Variants in GIPC2 observed in about 807,000 individuals in gnomAD.
The protein encoded by GIPC2 is PDZ domain-containing protein GIPC2.
GIPC2 carries 30 observed loss-of-function variants against 30.6 expected under a neutral mutation model. The observed-to-expected ratio is 0.98, with a 90% confidence interval of 0.73 to 1.33. The LOEUF is 1.33. GIPC2 is among the 40% of genes most tolerant of loss of function. The pLI is 0.00. For synonymous variants in GIPC2, 167 were observed against 150.0 expected, an observed-to-expected ratio of 1.11 and a Z score of -0.83; for missense variants, 414 against 390.3, an observed-to-expected ratio of 1.06 and a Z score of -0.51.
chr1:78,097,112 G>C (rs543885332), intron 3 of GIPC2, among the ~76,000 whole-genome samples: 8 of 152,318 alleles, frequency 5.3e-5, no homozygotes, highest in Admixed American at 2.6e-4. Context: ...CTCTTTGCCA[G>C]AGAGGGGAGC....
chr1:78,052,686 A>C (rs1661217820), intron 1 of GIPC2, among the ~76,000 whole-genome samples: 1 of 152,204 alleles, frequency 6.6e-6, no homozygotes, highest in South Asian at 2.1e-4. Context: ...TAATTATTAC[A>C]GTCAAGCTAA....
At chr1:78,078,833 C>T (rs1486734450) in intron 1 of GIPC2, among the ~76,000 whole-genome samples, 6 of 128,074 alleles carry the variant, frequency 4.7e-5, no homozygotes, top group East Asian at 2.7e-4. Flanking sequence ...TGGACAGATT[C>T]ACCGGAAAAA....
At chr1:78,101,058 G>T (rs765072893) in intron 3 of GIPC2, among the ~76,000 whole-genome samples, 2 of 151,396 alleles carry the variant, frequency 1.3e-5, no homozygotes, top group South Asian at 2.1e-4. Flanking sequence ...TTGATTGGTC[G>T]CAGAAGCTAT....
intron 1 of GIPC2, among the ~76,000 whole-genome samples, chr1:78,065,297 T>C (rs1448289538): frequency 6.6e-6 from 1 of 151,842 alleles, no homozygotes. Context: ...AAATCAGGAA[T>C]GCAATTTCAT....
chr1:78,085,897 GTT>G (rs35412467), intron 2 of GIPC2, among the ~76,000 whole-genome samples: 1 of 120,304 alleles, frequency 8.3e-6, no homozygotes, highest in Admixed American at 8.8e-5. Context: ...TCTTTTGAAT[GTT>G]TTTTTTTTTT....
intron 2 of GIPC2, among the ~76,000 whole-genome samples, chr1:78,088,806 C>G (rs951737334): frequency 6.6e-6 from 1 of 150,896 alleles, no homozygotes; most frequent in East Asian, 2.0e-4. Flanking sequence ...GATCATGCCA[C>G]CACTCTCAGC....
chr1:78,088,188 G>A (rs563446651), intron 2 of GIPC2, among the ~76,000 whole-genome samples: 13 of 152,302 alleles, frequency 8.5e-5, no homozygotes, highest in Admixed American at 5.2e-4. Flanking sequence ...GTGGAAAACC[G>A]TATGGCAATT....
chr1:78,091,544 C>T, intron 2 of GIPC2: 1 of 754,280 alleles, frequency 1.3e-6, no homozygotes, highest in Non-Finnish European at 2.5e-6. Context: ...GGAGGACCTG[C>T]TCCTGCAGGA....
intron 1 of GIPC2, among the ~76,000 whole-genome samples, chr1:78,048,421 TTTTTC>T (rs1045136793): frequency 7.3e-5 from 11 of 151,646 alleles, no homozygotes; most frequent in African/African-American, 1.7e-4. Context: ...TTGTTTTCTG[TTTTTC>T]TTTTCTTTTT....
intron 3 of GIPC2, among the ~76,000 whole-genome samples, chr1:78,098,651 CAT>C (rs1430266263): frequency 6.6e-6 from 1 of 152,122 alleles, no homozygotes; most frequent in African/African-American, 2.4e-5. Context: ...TCAAAATTCA[CAT>C]GTTGAAGTCC....
chr1:78,066,482 C>T (rs1661513808), intron 1 of GIPC2, among the ~76,000 whole-genome samples: 1 of 152,124 alleles, frequency 6.6e-6, no homozygotes, highest in Non-Finnish European at 1.5e-5. Context: ...GTGGTGATTC[C>T]TCAAAGACCT....
At chr1:78,126,047 T>C in intron 5 of GIPC2, 85 bp downstream of exon 5, 1 of 642,642 alleles carries the variant, frequency 1.6e-6, no homozygotes, top group Non-Finnish European at 2.8e-6. Flanking sequence ...CCAATTATAC[T>C]TTTGAAGATA....
chr1:78,068,438 C>T (rs146362037), intron 1 of GIPC2, among the ~76,000 whole-genome samples: 1 of 152,344 alleles, frequency 6.6e-6, no homozygotes, highest in East Asian at 1.9e-4. Flanking sequence ...ACATCCAAAT[C>T]ACATGACTTT....
intron 3 of GIPC2, among the ~76,000 whole-genome samples, chr1:78,106,378 T>G (rs1251380352): frequency 1.3e-5 from 2 of 151,786 alleles, no homozygotes; most frequent in South Asian, 4.2e-4. Context: ...GCGAACACTG[T>G]TAAACACCAT....
intron 2 of GIPC2, 127 bp from the exon 3 acceptor site, chr1:78,094,825 T>G (rs1662105980): frequency 1.7e-6 from 1 of 603,480 alleles, no homozygotes; most frequent in African/African-American, 1.8e-5. Context: ...GCATCTGATA[T>G]TCCCAGGCAG....
intron 1 of GIPC2, among the ~76,000 whole-genome samples, chr1:78,048,374 G>A (rs1661134068): frequency 6.6e-6 from 1 of 151,854 alleles, no homozygotes; most frequent in Non-Finnish European, 1.5e-5. Flanking sequence ...ATAGCAAGTG[G>A]CAGAGCCTGG....
intron 4 of GIPC2, among the ~76,000 whole-genome samples, chr1:78,120,220 G>A (rs183805661): frequency 3.3e-5 from 5 of 152,258 alleles, no homozygotes; most frequent in East Asian, 3.9e-4. Flanking sequence ...ACCGAACTCC[G>A]TATTTCTTCT....
intron 3 of GIPC2, among the ~76,000 whole-genome samples, chr1:78,098,349 GACCAATTTTGACTATACTT>G (rs1432980264): frequency 1.3e-5 from 2 of 152,170 alleles, no homozygotes; most frequent in South Asian, 2.1e-4. Context: ...ATTTGGAGGG[GACCAATTTTGACTATACTT>G]ACCAATTTTG....
intron 2 of GIPC2, among the ~76,000 whole-genome samples, chr1:78,084,289 G>A (rs1173636670): frequency 6.6e-6 from 1 of 152,138 alleles, no homozygotes; most frequent in Non-Finnish European, 1.5e-5. Flanking sequence ...TGAGGTAGGT[G>A]GATAACTTGA....
Sources: allele counts gnomAD v4.1 joint callset (sites outside exome capture counted in the v4.1 genomes callset), GRCh38; gene constraint gnomAD v4.1.1; transcripts MANE v1.5; gene names NCBI Gene and HGNC (gene_info 2026-07-23, HGNC 2026-07-21).